RNF150: variants seen among roughly 807,000 people sequenced by gnomAD.
The protein encoded by RNF150 is ring finger protein 150.
RNF150 carries 24 observed loss-of-function variants against 39.3 expected under a neutral mutation model. The observed-to-expected ratio is 0.61, with a 90% confidence interval of 0.44 to 0.86. The LOEUF is 0.86. RNF150 is among the 40% of genes least tolerant of loss of function. The probability of loss-of-function intolerance (pLI) is 0.00; values close to 1 mark genes in which losing one functional copy is unlikely to be tolerated. For synonymous variants in RNF150, 255 were observed against 227.3 expected, an observed-to-expected ratio of 1.12 and a Z score of -1.10; for missense variants, 502 against 587.8, an observed-to-expected ratio of 0.85 and a Z score of 1.51.
At chr4:140,978,851 A>C (rs1277278285) in intron 1 of RNF150, among the ~76,000 whole-genome samples, 1 of 152,188 alleles carries the variant, frequency 6.6e-6, no homozygotes, top group African/African-American at 2.4e-5. Flanking sequence ...GTCCAGGCTG[A>C]AATGAAACAA....
chr4:140,929,341 C>T (rs1339333409), intron 4 of RNF150, among the ~76,000 whole-genome samples: 1 of 151,074 alleles, frequency 6.6e-6, no homozygotes, highest in African/African-American at 2.4e-5. Context: ...CATTCTTACA[C>T]CTCCTCTGGA....
chr4:140,911,410 A>ATGTC, intron 5 of RNF150, 56 bp from the exon 6 acceptor site: 2 of 1,442,466 alleles, frequency 1.4e-6, no homozygotes, highest in Non-Finnish European at 1.9e-6. Flanking sequence ...TAGAGATTAA[A>ATGTC]TGTCTATAGC....
chr4:140,963,741 G>A (rs992024757), intron 2 of RNF150, among the ~76,000 whole-genome samples: 3 of 151,886 alleles, frequency 2.0e-5, no homozygotes, highest in Non-Finnish European at 2.9e-5. Context: ...GGTTCATAAT[G>A]GAAATCCATT....
At chr4:140,926,094 C>G in intron 4 of RNF150, 21 bp from the exon 5 acceptor site, 1 of 1,556,918 alleles carries the variant, frequency 6.4e-7, no homozygotes, top group South Asian at 1.1e-5. Flanking sequence ...AACCATACAT[C>G]TTAGAGCGGC....
chr4:140,912,342 C>T (rs368675909), intron 5 of RNF150, among the ~76,000 whole-genome samples: 248 of 152,266 alleles, frequency 1.6e-3, no homozygotes, highest in South Asian at 0.013. Flanking sequence ...TTGTCTTAAG[C>T]AGGATTAAGA....
At chr4:141,170,592 A>G (rs1221101926) in intron 1 of RNF150, among the ~76,000 whole-genome samples, 1 of 152,166 alleles carries the variant, frequency 6.6e-6, no homozygotes, top group African/African-American at 2.4e-5. Context: ...AAAGCAGTCA[A>G]AATTATCTAG....
intron 1 of RNF150, among the ~76,000 whole-genome samples, chr4:140,979,048 C>G (rs1386784134): frequency 1.3e-5 from 2 of 152,038 alleles, no homozygotes; most frequent in Non-Finnish European, 2.9e-5. Context: ...TTCCAGGACC[C>G]CCACATATAC....
At chr4:141,027,276 G>C (rs184160560) in intron 1 of RNF150, among the ~76,000 whole-genome samples, 1 of 152,170 alleles carries the variant, frequency 6.6e-6, no homozygotes, top group Non-Finnish European at 1.5e-5. Context: ...CATAAGTCAC[G>C]ATACATGACA....
Position 141,032,007 on chromosome 4 carries a change from T to A in RNF150, c.485-64134A>T, listed in dbSNP as rs941951024. Among the ~76,000 whole-genome samples, 21 of 151,916 alleles carry A rather than the reference T, an allele frequency of 1.4e-4. 1 individual carries two copies. The highest frequency in any genetic ancestry group is 4.8e-4 in the African/African-American group (20 of 41,364). ...TGGATGAATGGAAAAAGATGTAGTA[T>A]GTGTATATATGTATATATATACACA... is the stretch of plus-strand genomic sequence containing the variant. On this transcript the variant is annotated intron_variant, in intron 1 of 6. Transcript: ENST00000515673.
At position 140,868,403 on chromosome 4, in the gene RNF150, C is replaced by T. The variant is rs375017280; in HGVS notation, c.1199-24G>A. ...ACCTGGGAGGAGAAAGCAAAGTTCA[C>T]AGTGAACACCGAGCTATGTCTTTGC... On this transcript the variant is annotated intron_variant, in intron 6 of 6. Transcript: ENST00000515673. 2.0e-5 allele frequency: 25 copies of T among 1,242,312 alleles called. 1 individual carries two copies. In the African/African-American group the frequency reaches 3.7e-4, roughly 18 times the overall value. The allele number at this position is 1,242,312 out of a possible 1,614,324, so 77.0% of individuals were successfully genotyped here. A position where few individuals can be genotyped will look rare whatever the true frequency, so the allele number is the denominator to read the frequency against.
chr4:141,206,479 C>T (rs929109045), intron 1 of RNF150, among the ~76,000 whole-genome samples: 6 of 149,544 alleles, frequency 4.0e-5, no homozygotes, highest in Non-Finnish European at 7.4e-5. Context: ...AAAAGATTGC[C>T]GCCATAGTCA....
chr4:141,089,782 A>AT (rs752331741), intron 1 of RNF150, among the ~76,000 whole-genome samples: 26 of 152,146 alleles, frequency 1.7e-4, no homozygotes, highest in Non-Finnish European at 2.6e-4. Flanking sequence ...TACCCAGAAT[A>AT]TTTTTTGTCT....
intron 1 of RNF150, among the ~76,000 whole-genome samples, chr4:140,982,651 G>A (rs1733898232): frequency 6.6e-6 from 1 of 151,798 alleles, no homozygotes; most frequent in Non-Finnish European, 1.5e-5. Flanking sequence ...AACAATCAGT[G>A]AAACCAGTCA....
chr4:141,106,937 C>T (rs773671075), intron 1 of RNF150, among the ~76,000 whole-genome samples: 13 of 152,090 alleles, frequency 8.5e-5, no homozygotes, highest in Admixed American at 1.3e-4. Context: ...AGCACTATGT[C>T]AAATATAGAC....
chr4:141,067,596 T>A (rs558489571), intron 1 of RNF150, among the ~76,000 whole-genome samples: 15 of 152,316 alleles, frequency 9.8e-5, no homozygotes, highest in South Asian at 2.1e-4. Flanking sequence ...GCATATCATC[T>A]CCTATTGTTG....
intron 2 of RNF150, among the ~76,000 whole-genome samples, chr4:140,959,850 A>C (rs1394571734): frequency 6.6e-6 from 1 of 152,034 alleles, no homozygotes; most frequent in East Asian, 1.9e-4. Flanking sequence ...TGCGGGAGAG[A>C]GGCTGGGGTA....
chr4:140,992,805 T>C (rs1734241738), intron 1 of RNF150, among the ~76,000 whole-genome samples: 1 of 152,154 alleles, frequency 6.6e-6, no homozygotes, highest in Admixed American at 6.6e-5. Context: ...GGATATCTGC[T>C]GCTTCCTGGG....
At chr4:140,947,255 T>C (rs963180783) in intron 4 of RNF150, among the ~76,000 whole-genome samples, 4 of 152,214 alleles carry the variant, frequency 2.6e-5, no homozygotes, top group Non-Finnish European at 5.9e-5. Flanking sequence ...ACACTGTTCA[T>C]GTTCATTCAC....
At chr4:141,134,127 G>A (rs1726983587), upstream of RNF150, among the ~76,000 whole-genome samples, 1 of 152,208 alleles carries the variant, frequency 6.6e-6, no homozygotes, top group Non-Finnish European at 1.5e-5. Flanking sequence ...TTTCTGGACT[G>A]TGTTTATTCT....
Sources: allele counts gnomAD v4.1 joint callset (sites outside exome capture counted in the v4.1 genomes callset), GRCh38; gene constraint gnomAD v4.1.1; transcripts MANE v1.5; gene names NCBI Gene and HGNC (gene_info 2026-07-23, HGNC 2026-07-21).